TMEM217B: variants seen among roughly 807,000 people sequenced by gnomAD.
TMEM217B encodes transmembrane protein 217B.
the TMEM217B span, among the ~76,000 whole-genome samples, chr6:37,240,352 G>GCT: frequency 6.6e-6 from 1 of 152,180 alleles, no homozygotes; most frequent in Non-Finnish European, 1.5e-5. Flanking sequence ...ATCCAAGCTC[G>GCT]CTCTCTCTGA....
At chr6:37,227,957 G>GA in the TMEM217B span, among the ~76,000 whole-genome samples, 1 of 151,822 alleles carries the variant, frequency 6.6e-6, no homozygotes, top group African/African-American at 2.4e-5. Context: ...TAGGAACACA[G>GA]AAAAAAAAGT....
At chr6:37,224,061 C>T in the TMEM217B span, among the ~76,000 whole-genome samples, 1 of 151,552 alleles carries the variant, frequency 6.6e-6, no homozygotes. Context: ...CTCAGCCTCC[C>T]GAGTAGCTGG....
chr6:37,212,888 G>T, the TMEM217B span: 5 of 1,519,680 alleles, frequency 3.3e-6, no homozygotes, highest in Non-Finnish European at 4.5e-6. Flanking sequence ...TGTGTCTTCT[G>T]GTTCAGGTCA....
the TMEM217B span, among the ~76,000 whole-genome samples, chr6:37,234,435 C>A: frequency 6.6e-6 from 1 of 152,196 alleles, no homozygotes; most frequent in Admixed American, 6.5e-5. Flanking sequence ...ATATTTTCAA[C>A]TTATGGGTTT....
the TMEM217B span, among the ~76,000 whole-genome samples, chr6:37,239,429 C>T: frequency 3.3e-5 from 5 of 152,060 alleles, no homozygotes; most frequent in South Asian, 2.1e-4. Context: ...GAACCATGAT[C>T]GTGCCACTGA....
chr6:37,249,506 A>T, the TMEM217B span, among the ~76,000 whole-genome samples: 9 of 152,212 alleles, frequency 5.9e-5, no homozygotes, highest in African/African-American at 2.2e-4. Context: ...ATTTTAGTGG[A>T]GACGGGGTTT....
the TMEM217B span, among the ~76,000 whole-genome samples, chr6:37,245,775 T>C: frequency 6.9e-6 from 1 of 145,782 alleles, no homozygotes. Flanking sequence ...AGCCTCTCAT[T>C]TTCTTTTCTT....
At chr6:37,243,931 G>A in the TMEM217B span, among the ~76,000 whole-genome samples, 1 of 152,164 alleles carries the variant, frequency 6.6e-6, no homozygotes, top group Non-Finnish European at 1.5e-5. Context: ...CCCACATGGA[G>A]TCAGCCAGTC....
At chr6:37,236,037 C>T in the TMEM217B span, among the ~76,000 whole-genome samples, 2 of 152,214 alleles carry the variant, frequency 1.3e-5, no homozygotes, top group African/African-American at 4.8e-5. Flanking sequence ...AATAAAAAAT[C>T]ATTACCATAA....
the TMEM217B span, among the ~76,000 whole-genome samples, chr6:37,223,799 C>T: frequency 6.6e-6 from 1 of 152,032 alleles, no homozygotes; most frequent in East Asian, 1.9e-4. Context: ...TGAGCCACTG[C>T]ACCTAGCCCA....
the TMEM217B span, chr6:37,258,045 G>A: frequency 1.3e-6 from 2 of 1,537,282 alleles, no homozygotes; most frequent in Non-Finnish European, 1.8e-6. Flanking sequence ...TGAATCCCGC[G>A]GGCCTGGGGC....
chr6:37,257,878 A>G, the TMEM217B span: 26 of 1,606,128 alleles, frequency 1.6e-5, no homozygotes, highest in Non-Finnish European at 1.7e-5. Context: ...CGCCGGGCAA[A>G]CCCTTGGCCC....
the TMEM217B span, among the ~76,000 whole-genome samples, chr6:37,235,641 C>T: frequency 6.6e-6 from 1 of 152,196 alleles, no homozygotes. Context: ...GCTGGGATTA[C>T]AGGCGTGAGC....
the TMEM217B span, among the ~76,000 whole-genome samples, chr6:37,226,385 C>T: frequency 3.3e-5 from 5 of 149,260 alleles, no homozygotes; most frequent in African/African-American, 7.4e-5. Context: ...CTCCGCCTCC[C>T]GGGTTCACGC....
the TMEM217B span, chr6:37,257,664 G>T: frequency 1.7e-5 from 9 of 520,738 alleles, no homozygotes; most frequent in African/African-American, 1.6e-4. Flanking sequence ...AGCCCCTGAC[G>T]TTACCGGTCG....
the TMEM217B span, among the ~76,000 whole-genome samples, chr6:37,228,762 C>T: frequency 6.6e-6 from 1 of 151,718 alleles, no homozygotes; most frequent in Admixed American, 6.6e-5. Context: ...CTTTGGGAGG[C>T]CGAGGCAGGC....
the TMEM217B span, chr6:37,219,097 A>T: frequency 4.7e-3 from 6,972 of 1,489,360 alleles, 23 homozygotes; most frequent in Non-Finnish European, 5.7e-3. Flanking sequence ...ATGGTAAATT[A>T]CCAGGGTTTC....
the TMEM217B span, among the ~76,000 whole-genome samples, chr6:37,247,356 A>G: frequency 6.6e-6 from 1 of 151,612 alleles, no homozygotes; most frequent in Non-Finnish European, 1.5e-5. Context: ...ATATAGGGGA[A>G]GGAAGGCAGT....
At chr6:37,242,008 ATTTTTTT>A in the TMEM217B span, among the ~76,000 whole-genome samples, 4 of 130,022 alleles carry the variant, frequency 3.1e-5, no homozygotes, top group African/African-American at 5.7e-5. Context: ...TTCGATCTCA[ATTTTTTT>A]TTTTTTTTTT....
Sources: allele counts gnomAD v4.1 joint callset (sites outside exome capture counted in the v4.1 genomes callset), GRCh38; gene constraint gnomAD v4.1.1; transcripts MANE v1.5; gene names NCBI Gene and HGNC (gene_info 2026-07-23, HGNC 2026-07-21).